Variants in AKIP1 observed in about 807,000 individuals in gnomAD.
The protein encoded by AKIP1 is A-kinase-interacting protein 1.
AKIP1 carries 18 observed loss-of-function variants against 22.3 expected under a neutral mutation model. That is an observed-to-expected ratio of 0.81 (90% confidence interval 0.56 to 1.19). AKIP1 has a LOEUF of 1.19. AKIP1 is among the 50% of genes most tolerant of loss of function. The probability of loss-of-function intolerance (pLI) is 0.00; values close to 1 mark genes in which losing one functional copy is unlikely to be tolerated. For synonymous variants in AKIP1, 120 were observed against 102.7 expected, an observed-to-expected ratio of 1.17 and a Z score of -1.02; for missense variants, 287 against 264.6, an observed-to-expected ratio of 1.08 and a Z score of -0.59.
rs1014826799 is a variant in AKIP1, at chr11:8,919,697, C to T, written c.*217C>T. 2.6e-5 allele frequency: 12 copies of T among 465,954 alleles called. No individual in the cohort carries two copies. Among genetic ancestry groups the T allele is most frequent in the African/African-American group, 9.9e-5 (5 of 50,374 alleles). The allele number at this position is 465,954 out of a possible 1,614,324, so 28.9% of individuals were successfully genotyped here. On this transcript the variant is annotated 3_prime_UTR_variant, in exon 6 of 6. Transcript: ENST00000309377. ...TGTTGCCCAGGCTGGAGTGCAGTGG[C>T]GTGATCTCGGCTCACTGCAAGTTCC...
Position 8,914,942 on chromosome 11 carries a change from C to G in AKIP1, c.408+12C>G, listed in dbSNP as rs200350441. On this transcript the variant is annotated intron_variant, in intron 4 of 5. Coordinates refer to ENST00000309377, the MANE Select transcript of AKIP1 (RefSeq NM_020642.4). ...TAGGGAATGGTCAGGTAAGTGTACT[C>G]AACTGTCCTGCACCATGCCTTCAGT... 2.8e-5 allele frequency: 45 copies of G among 1,597,992 alleles called. No homozygotes were observed. The Admixed American group carries it at 4.2e-4, about 15-fold the overall frequency.
intron 5 of AKIP1, 122 bp downstream of exon 5, chr11:8,917,489 T>TA: frequency 1.2e-6 from 1 of 800,212 alleles, no homozygotes; most frequent in Non-Finnish European, 2.1e-6. Context: ...GAGATGTTCT[T>TA]ACACTTAAGA....
Position 8,912,443 on chromosome 11 carries a change from A to C in AKIP1, c.223-10A>C. The C allele has an allele frequency of 6.2e-7, 1 of 1,610,728 alleles. No homozygotes were observed. Among genetic ancestry groups the C allele is most frequent in the Non-Finnish European group, 8.5e-7 (1 of 1,176,882 alleles). The stretch of plus-strand genomic sequence containing the variant: ...AGAGCTAACCTGTGACGTGCCATTT[A>C]TTCAAATAGAGAGAAGAGAGACCCC... On this transcript the variant is annotated splice_polypyrimidine_tract_variant and intron_variant, in intron 2 of 5. Transcript: ENST00000309377.
chr11:8,915,347 A>ATTTTTTTTTTTTTTTTTTTT (rs146108642), intron 4 of AKIP1, among the ~76,000 whole-genome samples: 1 of 105,096 alleles, frequency 9.5e-6, no homozygotes, highest in African/African-American at 3.3e-5. Flanking sequence ...TAGGGATAGG[A>ATTTTTTTTTTTTTTTTTTTT]TTTTTTTTTT....
intron 3 of AKIP1, 37 bp downstream of exon 3, chr11:8,912,570 T>A: frequency 5.2e-6 from 8 of 1,527,234 alleles, no homozygotes; most frequent in South Asian, 1.1e-5. Context: ...CCCCATCACC[T>A]GCTGATGGAC....
chr11:8,919,080 C>G (rs917539025), intron 5 of AKIP1, among the ~76,000 whole-genome samples: 1 of 152,184 alleles, frequency 6.6e-6, no homozygotes, highest in Non-Finnish European at 1.5e-5. Flanking sequence ...GTTCATATAA[C>G]ACTTTAGCAT....
chr11:8,918,853 T>G (rs1221657736), intron 5 of AKIP1, among the ~76,000 whole-genome samples: 1 of 152,246 alleles, frequency 6.6e-6, no homozygotes, highest in Non-Finnish European at 1.5e-5. Context: ...ACTCAAATTG[T>G]TCTGAGCTTT....
intron 5 of AKIP1, 80 bp from the exon 6 acceptor site, chr11:8,919,257 G>A (rs1167889230): frequency 3.1e-5 from 43 of 1,403,868 alleles, no homozygotes; most frequent in African/African-American, 1.0e-4. Context: ...ACCTCTGCAA[G>A]GACAGGTAGC....
intron 4 of AKIP1, among the ~76,000 whole-genome samples, chr11:8,916,155 C>T (rs574833872): frequency 9.2e-5 from 14 of 151,906 alleles, no homozygotes; most frequent in Admixed American, 7.2e-4. Flanking sequence ...AGAGTTTCAC[C>T]GTGTTGGCCA....
chr11:8,915,306 T>A lies in AKIP1; in HGVS notation c.408+376T>A, dbSNP rs532891159. ...ATAGACCCTTTCTCTAATTTTTTTT[T>A]AAAAGAGCTCTAAATATCCTCTTCT... On this transcript the variant is annotated intron_variant, in intron 4 of 5. Coordinates refer to ENST00000309377, the MANE Select transcript of AKIP1 (RefSeq NM_020642.4). Among the ~76,000 whole-genome samples the A allele has an allele frequency of 4.6e-5, 7 of 151,960 alleles. No homozygotes were observed. The South Asian group carries it at 1.0e-3, about 23-fold the overall frequency.
At chr11:8,915,400 G>A (rs1589924062) in intron 4 of AKIP1, among the ~76,000 whole-genome samples, 1 of 99,524 alleles carries the variant, frequency 1.0e-5, no homozygotes, top group Admixed American at 1.5e-4. Flanking sequence ...GTCTTACTCT[G>A]TCACCCAGGC....
chr11:8,911,429 T>G lies in AKIP1; in HGVS notation c.-6-15T>G. ...AGCTGACCCGCCGGCGTTTGTACGTTGTGTGCCCACTCAGGGAGCCATGGA... is the reference window on the plus strand; with the variant it reads ...AGCTGACCCGCCGGCGTTTGTACGTGGTGTGCCCACTCAGGGAGCCATGGA... On this transcript the variant is annotated splice_polypyrimidine_tract_variant and intron_variant, in intron 1 of 5. Transcript: ENST00000309377. The G allele has an allele frequency of 6.4e-7, 1 of 1,565,998 alleles. No homozygotes were observed. Among genetic ancestry groups the G allele is most frequent in the Non-Finnish European group, 8.7e-7 (1 of 1,155,392 alleles).
chr11:8,917,192 C>T (rs909896589), intron 4 of AKIP1, 95 bp from the exon 5 acceptor site: 1 of 738,356 alleles, frequency 1.4e-6, no homozygotes, highest in African/African-American at 1.7e-5. Flanking sequence ...GCTGACAGAA[C>T]AATTACTAAC....
chr11:8,917,951 T>C (rs1423271290), intron 5 of AKIP1: 1 of 154,066 alleles, frequency 6.5e-6, no homozygotes, highest in Non-Finnish European at 1.4e-5. Flanking sequence ...TTCAGCATGG[T>C]GCCGCAATAC....
At chr11:8,915,347 A>ATTTTTTTTTCG (rs2064463968) in intron 4 of AKIP1, among the ~76,000 whole-genome samples, 1 of 105,096 alleles carries the variant, frequency 9.5e-6, no homozygotes, top group African/African-American at 3.3e-5. Context: ...TAGGGATAGG[A>ATTTTTTTTTCG]TTTTTTTTTT....
Position 8,917,821 on chromosome 11 carries a change from T to C in AKIP1, c.489+454T>C, listed in dbSNP as rs750037217. ...ATTTGTTCTTATTTTCCACAAATGT[T>C]TCTCTGTAAAAACATATAATGAGTT... On this transcript the variant is annotated intron_variant, in intron 5 of 5. Coordinates refer to ENST00000309377, the MANE Select transcript of AKIP1 (RefSeq NM_020642.4). The C allele has an allele frequency of 4.5e-4, 95 of 212,576 alleles. 1 individual carries two copies. In the Middle Eastern group the frequency reaches 4.6e-3, roughly 10 times the overall value. 13.2% of individuals were successfully genotyped at this position (212,576 alleles called of 1,614,324 possible).
chr11:8,911,212 C>G lies in AKIP1; in HGVS notation c.-18C>G, dbSNP rs1422769483. 1 of 541,100 alleles carries G rather than the reference C, an allele frequency of 1.8e-6. No homozygotes were observed. The highest frequency in any genetic ancestry group is 3.5e-5 in the Admixed American group (1 of 28,734). 33.5% of individuals were successfully genotyped at this position (541,100 alleles called of 1,614,324 possible). A position where few individuals can be genotyped will look rare whatever the true frequency, so the allele number is the denominator to read the frequency against. ...ATAGCGTTGCGCGCATGCGCCTTGA[C>G]GAGTGAGCCGGGTGAGGGGGCTCCC... On this transcript the variant is annotated 5_prime_UTR_variant, in exon 1 of 6. Coordinates refer to ENST00000309377, the MANE Select transcript of AKIP1 (RefSeq NM_020642.4).
In AKIP1 at chr11:8,912,343, T is replaced by G. The variant is rs79634295; in HGVS notation, c.223-110T>G. 21,458 of 806,924 alleles carry G rather than the reference T, an allele frequency of 0.027. 370 individuals are homozygous for G. The highest frequency in any genetic ancestry group is 0.035 in the Non-Finnish European group (16,471 of 467,782). The allele number at this position is 806,924 out of a possible 1,614,324, so 50.0% of individuals were successfully genotyped here. A position where few individuals can be genotyped will look rare whatever the true frequency, so the allele number is the denominator to read the frequency against. ...CTCAATAACATCGTTCTTTCTGACA[T>G]AAACTTGCAGAGCCTTTCCAAAAGT... On this transcript the variant is annotated intron_variant, in intron 2 of 5. Transcript: ENST00000309377.
chr11:8,916,121 A>G (rs570518530), intron 4 of AKIP1, among the ~76,000 whole-genome samples: 32 of 150,626 alleles, frequency 2.1e-4, no homozygotes, highest in African/African-American at 6.8e-4. Flanking sequence ...CGCCTGACCC[A>G]TTTTTGTATT....
Sources: allele counts gnomAD v4.1 joint callset (sites outside exome capture counted in the v4.1 genomes callset), GRCh38; gene constraint gnomAD v4.1.1; transcripts MANE v1.5; gene names NCBI Gene and HGNC (gene_info 2026-07-23, HGNC 2026-07-21).